Variants in CNTNAP2 observed in about 807,000 individuals in gnomAD.
The protein encoded by CNTNAP2 is contactin associated protein 2.
A neutral mutation model predicts 155.2 loss-of-function variants in CNTNAP2; 98 were observed. The observed-to-expected ratio is 0.63, with a 90% CI of 0.54 to 0.75. The LOEUF (loss-of-function observed/expected upper bound fraction) is 0.75, where lower values mean the gene tolerates loss of function less well. Ranked by LOEUF, CNTNAP2 falls within the 30% of genes least tolerant of loss-of-function variation. CNTNAP2 has a pLI of 0.00. For synonymous variants in CNTNAP2, 651 were observed against 631.2 expected (o/e 1.03, Z -0.47); for missense variants, 1,727 against 1,688.1 (o/e 1.02, Z -0.40).
At chr7:148,408,109 G>C (rs1280978429) in intron 22 of CNTNAP2, among the ~76,000 whole-genome samples, 1 of 151,964 alleles carries the variant, frequency 6.6e-6, no homozygotes, top group East Asian at 1.9e-4. Context: ...GCCAGGCATG[G>C]TGGCAGGTGC....
At chr7:148,208,088 C>CAA (rs10551518) in intron 18 of CNTNAP2, among the ~76,000 whole-genome samples, 1 of 120,844 alleles carries the variant, frequency 8.3e-6, no homozygotes, top group Non-Finnish European at 1.8e-5. Flanking sequence ...GACTCCGTGT[C>CAA]AAAAAAAAAA....
At chr7:146,215,603 T>G (rs1188430235) in intron 1 of CNTNAP2, among the ~76,000 whole-genome samples, 2 of 151,078 alleles carry the variant, frequency 1.3e-5, no homozygotes, top group African/African-American at 2.4e-5. Flanking sequence ...ATATCTATAT[T>G]ATCTTATATG....
chr7:147,075,033 C>T (rs993272318), intron 4 of CNTNAP2, among the ~76,000 whole-genome samples: 3 of 151,940 alleles, frequency 2.0e-5, no homozygotes, highest in Non-Finnish European at 2.9e-5. Flanking sequence ...TGTCAAACAC[C>T]GTTAAGAGTA....
chr7:147,330,366 T>C (rs1218894752), intron 9 of CNTNAP2, among the ~76,000 whole-genome samples: 2 of 152,104 alleles, frequency 1.3e-5, no homozygotes, highest in Non-Finnish European at 2.9e-5. Flanking sequence ...CCTGAATGTG[T>C]CCGTTGTGAT....
chr7:147,904,124 G>A lies in CNTNAP2; in HGVS notation c.2255+403G>A, dbSNP rs116536181. ...CACAACCACCTCCTGCAATGTTTGCGTTGGGGATCTGGATTGGAAAAATAG... is the reference window on the plus strand; with the variant it reads ...CACAACCACCTCCTGCAATGTTTGCATTGGGGATCTGGATTGGAAAAATAG... On this transcript the variant is annotated intron_variant, in intron 14 of 23. Transcript: ENST00000361727. Among the ~76,000 whole-genome samples, 1,475 of 152,242 alleles carry A rather than the reference G, an allele frequency of 9.7e-3. 25 individuals carry two copies. The highest frequency in any genetic ancestry group is 0.033 in the African/African-American group (1,390 of 41,544).
At chr7:146,578,884 C>T (rs1798566070) in intron 1 of CNTNAP2, among the ~76,000 whole-genome samples, 1 of 152,072 alleles carries the variant, frequency 6.6e-6, no homozygotes, top group African/African-American at 2.4e-5. Context: ...ATTAACTCCC[C>T]TTTCAATTAT....
At chr7:147,201,341 C>T (rs1802917397) in intron 8 of CNTNAP2, among the ~76,000 whole-genome samples, 1 of 152,168 alleles carries the variant, frequency 6.6e-6, no homozygotes, top group African/African-American at 2.4e-5. Flanking sequence ...GTATCCCTGT[C>T]CCAAACACCC....
At chr7:148,256,934 C>T (rs924936954) in intron 20 of CNTNAP2, among the ~76,000 whole-genome samples, 1 of 152,148 alleles carries the variant, frequency 6.6e-6, no homozygotes, top group Non-Finnish European at 1.5e-5. Context: ...CGTGGTTGAG[C>T]CCAGCTGGGG....
At chr7:147,082,640 A>G (rs1429544660) in intron 4 of CNTNAP2, 1 of 152,182 alleles carries the variant, frequency 6.6e-6, no homozygotes, top group Non-Finnish European at 1.5e-5. Context: ...GTGCTTTGAA[A>G]GATCACAATT....
Position 146,969,306 on chromosome 7 carries a change from G to T in CNTNAP2, c.403-74601G>T, listed in dbSNP as rs1363091682. Among the ~76,000 whole-genome samples the T allele has an allele frequency of 1.2e-3, 178 of 151,930 alleles. 1 individual carries two copies. The highest frequency in any genetic ancestry group is 3.4e-3 in the Middle Eastern group (1 of 294). ...TATTCTGTTGATTTGGGGTGGAGAG[G>T]TCTGTAGATGTCTATTAGGTCCGCT... is the stretch of plus-strand genomic sequence containing the variant. On this transcript the variant is annotated intron_variant, in intron 3 of 23. Transcript: ENST00000361727.
intron 22 of CNTNAP2, among the ~76,000 whole-genome samples, chr7:148,396,015 C>T (rs1024860127): frequency 6.6e-6 from 1 of 152,146 alleles, no homozygotes; most frequent in South Asian, 2.1e-4. Flanking sequence ...CACCCTCCGA[C>T]CCCCACCCCA....
intron 1 of CNTNAP2, among the ~76,000 whole-genome samples, chr7:146,302,898 G>A (rs1800636082): frequency 6.6e-6 from 1 of 152,116 alleles, no homozygotes. Flanking sequence ...ATAAAAATAT[G>A]ACCTTTGTAA....
intron 13 of CNTNAP2, among the ~76,000 whole-genome samples, chr7:147,668,329 A>G (rs1321710294): frequency 6.6e-6 from 1 of 152,238 alleles, no homozygotes; most frequent in Admixed American, 6.5e-5. Flanking sequence ...AAGAAAATCT[A>G]TGATTAAAGA....
chr7:147,527,217 G>A (rs1369252832), intron 11 of CNTNAP2, among the ~76,000 whole-genome samples: 1 of 151,704 alleles, frequency 6.6e-6, no homozygotes, highest in African/African-American at 2.4e-5. Context: ...TAGAGACAGG[G>A]TTTCACTGTG....
At chr7:148,076,358 G>T (rs1043527146) in intron 15 of CNTNAP2, among the ~76,000 whole-genome samples, 3 of 143,452 alleles carry the variant, frequency 2.1e-5, no homozygotes, top group Non-Finnish European at 4.5e-5. Flanking sequence ...GAATGATCTC[G>T]CCCAAAATGT....
chr7:146,434,051 C>T (rs1045751342), intron 1 of CNTNAP2, among the ~76,000 whole-genome samples: 6 of 152,082 alleles, frequency 3.9e-5, no homozygotes, highest in African/African-American at 1.2e-4. Flanking sequence ...TGCATTTTTA[C>T]AGAGTATTTA....
chr7:147,786,570 G>A (rs1359019493), intron 13 of CNTNAP2, among the ~76,000 whole-genome samples: 1 of 152,214 alleles, frequency 6.6e-6, no homozygotes, highest in Non-Finnish European at 1.5e-5. Flanking sequence ...AAAGCCTGCA[G>A]AGGAAGCAGC....
chr7:146,922,411 A>T (rs1399581358), intron 3 of CNTNAP2, among the ~76,000 whole-genome samples: 1 of 152,158 alleles, frequency 6.6e-6, no homozygotes, highest in African/African-American at 2.4e-5. Flanking sequence ...AATACAAAAA[A>T]GTCCCCCCAT....
At chr7:147,177,234 C>G (rs1229922964) in intron 8 of CNTNAP2, among the ~76,000 whole-genome samples, 1 of 151,972 alleles carries the variant, frequency 6.6e-6, no homozygotes, top group African/African-American at 2.4e-5. Flanking sequence ...TCACCCAAAT[C>G]TCACCTTGAA....
Sources: gnomAD v4.1 joint callset for allele counts (sites outside exome capture counted in the v4.1 genomes callset) on GRCh38, gnomAD v4.1.1 for gene constraint, MANE v1.5 for transcripts, NCBI Gene and HGNC (gene_info 2026-07-23, HGNC 2026-07-21) for gene names.